Variants in CHD2 observed in about 807,000 individuals in gnomAD.
The protein encoded by CHD2 is ATP-dependent chromatin remodeler CHD2.
In CHD2, 28 loss-of-function variants were observed where a neutral mutation model predicts 243.9. The ratio of observed to expected loss-of-function variants is 0.11; its 90% CI spans 0.09 to 0.16. The LOEUF (loss-of-function observed/expected upper bound fraction) is 0.16, where lower values mean the gene tolerates loss of function less well. CHD2 is among the 10% of genes least tolerant of loss of function. The probability of loss-of-function intolerance (pLI) is 1.00; values close to 1 mark genes in which losing one functional copy is unlikely to be tolerated. For synonymous variants in CHD2, 775 were observed against 779.0 expected (o/e 0.99, Z 0.09); for missense variants, 1,386 against 2,209.8 (o/e 0.63, Z 7.47).
chr15:93,027,099 G>C lies in CHD2; in HGVS notation c.*2394G>C, dbSNP rs1299029213. On this transcript the variant is annotated 3_prime_UTR_variant, in exon 39 of 39. Transcript: ENST00000394196. ...TTCTAAAATTACAGTGTCCCCATTA[G>C]ACAACTATTTTAGGTGCTGGAGTAT... The C allele has an allele frequency of 3.3e-5, 5 of 152,686 alleles. No individual in the cohort carries two copies. Among genetic ancestry groups the C allele is most frequent in the Non-Finnish European group, 7.3e-5 (5 of 68,048 alleles). 9.5% of individuals were successfully genotyped at this position (152,686 alleles called of 1,614,324 possible). A position where few individuals can be genotyped will look rare whatever the true frequency, so the allele number is the denominator to read the frequency against.
chr15:92,967,488 T>G lies in CHD2; in HGVS notation c.2164T>G (p.Ser722Ala), dbSNP rs2053780191. The G allele has an allele frequency of 6.2e-7, 1 of 1,613,878 alleles. No homozygotes were observed. Among genetic ancestry groups the G allele is most frequent in the Non-Finnish European group, 8.5e-7 (1 of 1,179,872 alleles). ...GGAACAGATTCTCAGGGTGGAGATG[T>G]CAGCCCTTCAGAAACAGTATTACAA... Reference protein sequence around the residue: ...KVEQILRVEMSALQKQYYKWI... With the variant: ...KVEQILRVEMAALQKQYYKWI... Residue 722 changes from serine (S) to alanine (A), a missense_variant, in exon 17 of 39, where the codon TCA becomes GCA. Around this residue, in one of 19 missense-constraint regions of CHD2, gnomAD observed 118 missense variants for 266.3 expected, o/e 0.44. Coordinates refer to ENST00000394196, the MANE Select transcript of CHD2 (RefSeq NM_001271.4).
At chr15:93,013,987 GAT>G (rs2054427152) in intron 36 of CHD2, among the ~76,000 whole-genome samples, 1 of 146,238 alleles carries the variant, frequency 6.8e-6, no homozygotes, top group Non-Finnish European at 1.5e-5. Context: ...AGTAGTTCAT[GAT>G]ATATCCATAT....
chr15:93,009,596 A>G (rs1346391876), intron 35 of CHD2, among the ~76,000 whole-genome samples: 1 of 152,200 alleles, frequency 6.6e-6, no homozygotes, highest in Non-Finnish European at 1.5e-5. Flanking sequence ...CTCAGAAATA[A>G]ATTTTCTTTA....
chr15:92,970,439 G>C (rs2053826223), intron 17 of CHD2, among the ~76,000 whole-genome samples: 1 of 152,148 alleles, frequency 6.6e-6, no homozygotes, highest in East Asian at 1.9e-4. Context: ...AACCTCAGGT[G>C]ATCTGCCCCC....
intron 7 of CHD2, among the ~76,000 whole-genome samples, chr15:92,940,881 AATAT>A (rs1468066103): frequency 1.1e-5 from 1 of 93,776 alleles, no homozygotes; most frequent in African/African-American, 3.2e-5. Flanking sequence ...TATACATATA[AATAT>A]ATATAAAAAT....
At chr15:92,951,789 G>C (rs1429045104) in intron 13 of CHD2, among the ~76,000 whole-genome samples, 3 of 152,172 alleles carry the variant, frequency 2.0e-5, no homozygotes, top group Non-Finnish European at 4.4e-5. Flanking sequence ...GTGTACCTGA[G>C]ATGTATAGGG....
intron 9 of CHD2, 72 bp downstream of exon 9, chr15:92,943,140 T>C (rs757509000): frequency 1.0e-5 from 12 of 1,166,566 alleles, no homozygotes; most frequent in Non-Finnish European, 1.4e-5. Context: ...AAATAATGCA[T>C]GGAGATCACA....
chr15:92,979,293 AG>A lies in CHD2; in HGVS notation c.2876+12del, dbSNP rs1225725667. On this transcript the variant is annotated intron_variant, in intron 22 of 38. Coordinates refer to ENST00000394196, the MANE Select transcript of CHD2 (RefSeq NM_001271.4). ...ACTCAGGAAGGTCCAAGTAAGTGCC[AG>A]GAAGATTGGGAGGTAGGCAGAATCA... 1 of 1,612,964 alleles carries A rather than the reference AG, an allele frequency of 6.2e-7. No individual in the cohort carries two copies. The highest frequency in any genetic ancestry group is 1.7e-5 in the Admixed American group (1 of 59,806).
intron 2 of CHD2, chr15:92,904,506 ACT>A: frequency 1.0e-6 from 1 of 990,778 alleles, no homozygotes. Context: ...AAGGAAGGGA[ACT>A]CTAGTTGGGA....
At chr15:92,996,868 A>T in intron 28 of CHD2, 89 bp from the exon 29 acceptor site, 1 of 1,265,028 alleles carries the variant, frequency 7.9e-7, no homozygotes, top group Non-Finnish European at 1.1e-6. Flanking sequence ...ATATTCAGAG[A>T]GACTAAGAGG....
intron 2 of CHD2, among the ~76,000 whole-genome samples, chr15:92,917,202 G>A (rs2052855843): frequency 6.6e-6 from 1 of 152,176 alleles, no homozygotes. Flanking sequence ...TTATTCTGAA[G>A]AAGCACAGGA....
At chr15:92,959,349 C>T (rs539980306) in intron 16 of CHD2, among the ~76,000 whole-genome samples, 1 of 152,274 alleles carries the variant, frequency 6.6e-6, no homozygotes, top group African/African-American at 2.4e-5. Flanking sequence ...ATTGAATTGC[C>T]TTGACACTGT....
Position 93,021,754 on chromosome 15 carries a change from A to C in CHD2, c.5153+1496A>C, listed in dbSNP as rs529582781. 2.6e-5 allele frequency: 4 copies of C among 152,224 alleles called. 1 individual carries two copies. The highest frequency in any genetic ancestry group is 5.9e-5 in the Non-Finnish European group (4 of 68,046). The allele number at this position is 152,224 out of a possible 1,614,324, so 9.4% of individuals were successfully genotyped here. A position where few individuals can be genotyped will look rare whatever the true frequency, so the allele number is the denominator to read the frequency against. On this transcript the variant is annotated intron_variant, in intron 38 of 38. Coordinates refer to ENST00000394196, the MANE Select transcript of CHD2 (RefSeq NM_001271.4). The stretch of plus-strand genomic sequence containing the variant: ...TGTGTCTAACCTTTTAAAACCTGGA[A>C]CACAGATATAACAATGGTTTTGATG...
At chr15:92,972,450 A>G (rs570242850) in intron 19 of CHD2, 33 bp downstream of exon 19, 3 of 1,548,770 alleles carry the variant, frequency 1.9e-6, no homozygotes, top group Non-Finnish European at 1.7e-6. Flanking sequence ...TGTGGGGGGA[A>G]TCAATCTCTC....
chr15:92,966,934 A>G (rs1485369343), intron 16 of CHD2, among the ~76,000 whole-genome samples: 2 of 150,418 alleles, frequency 1.3e-5, no homozygotes, highest in East Asian at 1.9e-4. Context: ...AGGAATGACT[A>G]TTTATGAGTT....
intron 18 of CHD2, 73 bp downstream of exon 18, chr15:92,972,000 C>T (rs774274455): frequency 6.8e-7 from 1 of 1,462,056 alleles, no homozygotes; most frequent in Non-Finnish European, 9.3e-7. Context: ...TCAGAATGCT[C>T]TATTTCCTTG....
At chr15:92,947,347 G>T (rs149897960) in intron 12 of CHD2, 2 of 152,260 alleles carry the variant, frequency 1.3e-5, no homozygotes, top group Non-Finnish European at 2.9e-5. Flanking sequence ...GACAAGAGGG[G>T]GCCCAGGGTA....
rs2054034187 is a variant in CHD2 at position 92,985,754 on chromosome 15, T to C, written c.3413+81T>C. ...TGGGTTGACTGGATCCTGGACATCG[T>C]GACAGGGTAGGCAGAGGCTAATACC... On this transcript the variant is annotated intron_variant, in intron 26 of 38. Coordinates refer to ENST00000394196, the MANE Select transcript of CHD2 (RefSeq NM_001271.4). The C allele has an allele frequency of 3.5e-6, 5 of 1,442,412 alleles. No homozygotes were observed. In the Admixed American group the frequency reaches 9.8e-5, roughly 28 times the overall value. 89.4% of individuals were successfully genotyped at this position (1,442,412 alleles called of 1,614,324 possible).
At chr15:92,901,490 AAAGTT>A (rs761860564) in intron 2 of CHD2, 191 bp downstream of exon 2, 6 of 602,750 alleles carry the variant, frequency 1.0e-5, no homozygotes, top group Non-Finnish European at 1.5e-5. Flanking sequence ...GCAATTTATG[AAAGTT>A]GAGTTGTGAC....
Sources: allele counts gnomAD v4.1 joint callset (sites outside exome capture counted in the v4.1 genomes callset), GRCh38; gene constraint gnomAD v4.1.1; regional missense constraint gnomAD v4.1.1; transcripts MANE v1.5; gene names NCBI Gene and HGNC (gene_info 2026-07-23, HGNC 2026-07-21).